Variants in TMEM117 observed in about 807,000 individuals in gnomAD.
TMEM117 encodes transmembrane protein 117.
Under a neutral mutation model 52.4 loss-of-function variants are expected in TMEM117, and 27 were observed. That is an observed-to-expected ratio of 0.51 (90% CI 0.38 to 0.71). TMEM117 has a LOEUF of 0.71. TMEM117 is among the 30% of genes least tolerant of loss of function. TMEM117 has a pLI of 0.00. For synonymous variants in TMEM117, 215 were observed against 206.3 expected (o/e 1.04, Z -0.36); for missense variants, 556 against 630.5 (o/e 0.88, Z 1.26).
chr12:44,299,589 T>G lies in TMEM117; in HGVS notation c.618T>G (p.Leu206=). The change falls in exon 6 of 8, where the codon CTT becomes CTG. Residue 206 remains leucine, a synonymous_variant. Coordinates refer to ENST00000266534, the MANE Select transcript of TMEM117 (RefSeq NM_032256.3). ...GTCTTGTTCCTTACAGGACAGTTCT[T>G]TTTACTCTGACGTCTGTGGTTGTAC... ...NVRITLFWTV[L]FTLTSVVVLV... The G allele has an allele frequency of 6.2e-7, 1 of 1,614,184 alleles. No individual in the cohort carries two copies. The highest frequency in any genetic ancestry group is 8.5e-7 in the Non-Finnish European group (1 of 1,180,006).
At chr12:43,800,846 G>C in the TMEM117 span, among the ~76,000 whole-genome samples, 2 of 152,100 alleles carry the variant, frequency 1.3e-5, no homozygotes, top group South Asian at 4.1e-4. Flanking sequence ...TGCCTCCCAG[G>C]TTCAAGTGGT....
At chr12:44,210,418 A>G (rs1196778054) in intron 4 of TMEM117, among the ~76,000 whole-genome samples, 1 of 152,156 alleles carries the variant, frequency 6.6e-6, no homozygotes, top group African/African-American at 2.4e-5. Context: ...TAGATGAGAA[A>G]TGTACTTTGT....
Position 43,992,499 on chromosome 12 carries a change from G to C in TMEM117, c.410+48157G>C, listed in dbSNP as rs550899725. On this transcript the variant is annotated intron_variant, in intron 3 of 7. Coordinates refer to ENST00000266534, the MANE Select transcript of TMEM117 (RefSeq NM_032256.3). ...TCACCATGTTGCCCAGGCTGGTTTCGAACTCCTGGGTTCAAGCAATCCTTC... is the reference window on the plus strand; with the variant it reads ...TCACCATGTTGCCCAGGCTGGTTTCCAACTCCTGGGTTCAAGCAATCCTTC... Among the ~76,000 whole-genome samples the C allele has an allele frequency of 3.3e-5, 5 of 151,988 alleles. No homozygotes were observed. The East Asian group carries it at 7.8e-4, about 24-fold the overall frequency.
chr12:43,939,758 G>A (rs1454238975), intron 2 of TMEM117, among the ~76,000 whole-genome samples: 3 of 151,666 alleles, frequency 2.0e-5, no homozygotes, highest in Non-Finnish European at 4.4e-5. Context: ...AAAGCCATGT[G>A]TATTAGTCTG....
chr12:43,927,968 C>T (rs1290747088), intron 2 of TMEM117, among the ~76,000 whole-genome samples: 1 of 151,694 alleles, frequency 6.6e-6, no homozygotes, highest in Non-Finnish European at 1.5e-5. Flanking sequence ...GCTTTTCCTT[C>T]TTTCTTTTTT....
At chr12:44,257,618 A>G (rs1163718245) in intron 5 of TMEM117, among the ~76,000 whole-genome samples, 1 of 152,154 alleles carries the variant, frequency 6.6e-6, no homozygotes, top group Non-Finnish European at 1.5e-5. Flanking sequence ...GCAAATTGCC[A>G]TATAGATTTC....
At chr12:44,197,395 G>A (rs559243009) in intron 4 of TMEM117, among the ~76,000 whole-genome samples, 3 of 152,052 alleles carry the variant, frequency 2.0e-5, no homozygotes, top group East Asian at 1.9e-4. Context: ...AAGCAGAGAC[G>A]GTATGCATCC....
chr12:44,209,578 A>G (rs1315670113), intron 4 of TMEM117, among the ~76,000 whole-genome samples: 2 of 152,152 alleles, frequency 1.3e-5, no homozygotes, highest in Non-Finnish European at 2.9e-5. Context: ...TATTAAAACC[A>G]TGCATGATTG....
chr12:43,851,436 T>G (rs1297074723), intron 2 of TMEM117, among the ~76,000 whole-genome samples: 1 of 152,204 alleles, frequency 6.6e-6, no homozygotes, highest in African/African-American at 2.4e-5. Context: ...TTCCAGTACC[T>G]CTCTCTCTCA....
chr12:43,805,109 T>G, the TMEM117 span, among the ~76,000 whole-genome samples: 5 of 152,250 alleles, frequency 3.3e-5, no homozygotes, highest in Non-Finnish European at 4.4e-5. Context: ...AAAGCTAGAT[T>G]AAACTCATTG....
At chr12:44,059,502 AT>A (rs1231405985) in intron 3 of TMEM117, among the ~76,000 whole-genome samples, 1 of 152,108 alleles carries the variant, frequency 6.6e-6, no homozygotes, top group Non-Finnish European at 1.5e-5. Context: ...TCACTCTTTC[AT>A]TTTGGGGTGG....
intron 6 of TMEM117, among the ~76,000 whole-genome samples, chr12:44,342,821 A>G (rs997899975): frequency 6.6e-6 from 1 of 152,126 alleles, no homozygotes; most frequent in Non-Finnish European, 1.5e-5. Flanking sequence ...AAGGTTTTTA[A>G]CATTCTTCTT....
At chr12:44,030,837 T>G (rs976160415) in intron 3 of TMEM117, among the ~76,000 whole-genome samples, 1 of 152,190 alleles carries the variant, frequency 6.6e-6, no homozygotes, top group African/African-American at 2.4e-5. Flanking sequence ...AGAAGTTAAT[T>G]ATAAAAGAAA....
At chr12:44,386,179 G>C (rs571153487) in intron 7 of TMEM117, among the ~76,000 whole-genome samples, 1 of 152,106 alleles carries the variant, frequency 6.6e-6, no homozygotes, top group South Asian at 2.1e-4. Context: ...GTTGATCTCT[G>C]TCCTGTTCCC....
chr12:44,121,834 T>C (rs1027377313), intron 3 of TMEM117, among the ~76,000 whole-genome samples: 3 of 152,074 alleles, frequency 2.0e-5, no homozygotes, highest in Non-Finnish European at 4.4e-5. Flanking sequence ...CGATAGTAAT[T>C]TTTTTATCTT....
chr12:44,372,606 AAAAC>A (rs1951880185), intron 6 of TMEM117, among the ~76,000 whole-genome samples: 1 of 152,068 alleles, frequency 6.6e-6, no homozygotes, highest in African/African-American at 2.4e-5. Flanking sequence ...GAAAAAAAAA[AAAAC>A]AAAAGAAAGA....
intron 2 of TMEM117, among the ~76,000 whole-genome samples, chr12:43,882,735 GCT>G (rs1376193292): frequency 9.9e-5 from 15 of 152,156 alleles, no homozygotes; most frequent in Non-Finnish European, 2.2e-4. Context: ...TGGAAAGGAG[GCT>G]TTCTTCCTTG....
intron 4 of TMEM117, among the ~76,000 whole-genome samples, chr12:44,172,277 T>C (rs1206132209): frequency 6.6e-6 from 1 of 152,234 alleles, no homozygotes; most frequent in East Asian, 1.9e-4. Context: ...GTTCTGAGGC[T>C]AGCAGTCTGA....
At chr12:44,207,814 A>AT (rs1491198719) in intron 4 of TMEM117, among the ~76,000 whole-genome samples, 1 of 152,012 alleles carries the variant, frequency 6.6e-6, no homozygotes, top group African/African-American at 2.4e-5. Flanking sequence ...AAAAAAAAAA[A>AT]ACCTACTAAG....
Sources: allele counts gnomAD v4.1 joint callset (sites outside exome capture counted in the v4.1 genomes callset), GRCh38; gene constraint gnomAD v4.1.1; transcripts MANE v1.5; gene names NCBI Gene and HGNC (gene_info 2026-07-23, HGNC 2026-07-21).